Variants in EGLN3 observed in about 807,000 individuals in gnomAD.
EGLN3 encodes the protein egl-9 family hypoxia inducible factor 3.
Under a neutral mutation model 26.0 loss-of-function variants are expected in EGLN3, and 15 were observed. That is an observed-to-expected ratio of 0.58 (90% CI 0.39 to 0.89). The LOEUF is 0.89. EGLN3 is among the 40% of genes least tolerant of loss of function. The pLI is 0.00. For synonymous variants in EGLN3, 147 were observed against 127.2 expected (o/e 1.16, Z -1.05); for missense variants, 238 against 311.6 (o/e 0.76, Z 1.78).
intron 1 of EGLN3, among the ~76,000 whole-genome samples, chr14:33,944,670 G>A (rs1055438040): frequency 2.0e-5 from 3 of 152,178 alleles, no homozygotes; most frequent in Middle Eastern, 3.2e-3. Flanking sequence ...ACTAATGAGC[G>A]TAAACGTGCA....
chr14:33,928,300 G>A (rs1352859415), intron 3 of EGLN3, among the ~76,000 whole-genome samples: 1 of 152,020 alleles, frequency 6.6e-6, no homozygotes, highest in African/African-American at 2.4e-5. Flanking sequence ...GGCTTGTTAG[G>A]GTTTAATCAT....
In EGLN3 at chr14:33,925,812, A is replaced by G. The variant is rs182655912; in HGVS notation, c.*79T>C. ...GGAGATTGTTGTCACTGAAGAGGCC[A>G]TCTTTGGATCTCAAAGAATTTAAGA... On this transcript the variant is annotated 3_prime_UTR_variant, in exon 5 of 5. Coordinates refer to ENST00000250457, the MANE Select transcript of EGLN3 (RefSeq NM_022073.4). 2.6e-6 allele frequency: 4 copies of G among 1,524,174 alleles called. No homozygotes were observed. The highest frequency in any genetic ancestry group is 2.2e-5 in the East Asian group (1 of 44,454). 94.4% of individuals were successfully genotyped at this position (1,524,174 alleles called of 1,614,324 possible). A position where few individuals can be genotyped will look rare whatever the true frequency, so the allele number is the denominator to read the frequency against.
At chr14:33,934,622 T>C (rs2064427785) in intron 1 of EGLN3, among the ~76,000 whole-genome samples, 1 of 152,202 alleles carries the variant, frequency 6.6e-6, no homozygotes, top group Admixed American at 6.5e-5. Context: ...TTGGCATCAG[T>C]GACCTCCACC....
rs576032427 is a variant in EGLN3, at chr14:33,925,698, G to C, written c.*193C>G. 3.0e-5 allele frequency: 19 copies of C among 633,392 alleles called. No individual in the cohort carries two copies. The highest frequency in any genetic ancestry group is 4.9e-5 in the Non-Finnish European group (18 of 367,916). 39.2% of individuals were successfully genotyped at this position (633,392 alleles called of 1,614,324 possible). The stretch of plus-strand genomic sequence containing the variant: ...TTAGCAAGTAACTTCATCTGGCAAA[G>C]AGAGTATCTGAAGATCAACACAGTC... On this transcript the variant is annotated 3_prime_UTR_variant, in exon 5 of 5. Coordinates refer to ENST00000250457, the MANE Select transcript of EGLN3 (RefSeq NM_022073.4).
chr14:33,943,746 C>A (rs1238175860), intron 1 of EGLN3, among the ~76,000 whole-genome samples: 1 of 152,180 alleles, frequency 6.6e-6, no homozygotes, highest in African/African-American at 2.4e-5. Context: ...GGTAGAACGC[C>A]ACCCTGACCT....
In EGLN3 at chr14:33,925,144, C is replaced by T. The variant is rs542592564; in HGVS notation, c.*747G>A. On this transcript the variant is annotated 3_prime_UTR_variant, in exon 5 of 5. Coordinates refer to ENST00000250457, the MANE Select transcript of EGLN3 (RefSeq NM_022073.4). ...TTCCATTCCAACAAAGCAACCAAAA[C>T]AACTAATGTCTAGTTTTTTAGCTTC... The T allele has an allele frequency of 6.6e-6, 1 of 152,172 alleles. No homozygotes were observed. Among genetic ancestry groups the T allele is most frequent in the South Asian group, 2.1e-4 (1 of 4,824 alleles). The allele number at this position is 152,172 out of a possible 1,614,324, so 9.4% of individuals were successfully genotyped here.
In EGLN3 at chr14:33,950,190, G is replaced by A; in HGVS notation, c.357+206C>T. On this transcript the variant is annotated intron_variant, in intron 1 of 4. Transcript: ENST00000250457. Reference sequence around the variant, plus strand: ...AAGTCAACAGAAGGTCATCATCATGGTTCACCTGAGCCCCTTAACGTTGAC... The same window carrying A: ...AAGTCAACAGAAGGTCATCATCATGATTCACCTGAGCCCCTTAACGTTGAC... The A allele has an allele frequency of 6.6e-6, 4 of 608,804 alleles. No individual in the cohort carries two copies. The South Asian group carries it at 7.8e-5, about 12-fold the overall frequency. 37.7% of individuals were successfully genotyped at this position (608,804 alleles called of 1,614,324 possible). A position where few individuals can be genotyped will look rare whatever the true frequency, so the allele number is the denominator to read the frequency against.
chr14:33,941,686 T>C (rs996347), intron 1 of EGLN3, among the ~76,000 whole-genome samples: 43,694 of 151,928 alleles, frequency 0.29, 6,725 homozygotes, highest in Non-Finnish European at 0.36. Flanking sequence ...TAAAAGTATA[T>C]ACAAAGCTTA....
At chr14:33,942,281 A>G (rs1417321323) in intron 1 of EGLN3, among the ~76,000 whole-genome samples, 2 of 150,882 alleles carry the variant, frequency 1.3e-5, no homozygotes, top group East Asian at 2.0e-4. Context: ...CTAAGAAAGG[A>G]AAGAAAGTTT....
chr14:33,940,689 CGA>C (rs760266025), intron 1 of EGLN3, among the ~76,000 whole-genome samples: 2 of 151,764 alleles, frequency 1.3e-5, no homozygotes, highest in South Asian at 4.2e-4. Context: ...ATGGCAAAGT[CGA>C]GAGTTTTTGT....
At chr14:33,941,959 T>G (rs2064486403) in intron 1 of EGLN3, among the ~76,000 whole-genome samples, 1 of 152,150 alleles carries the variant, frequency 6.6e-6, no homozygotes, top group African/African-American at 2.4e-5. Context: ...GGAAATTAAG[T>G]GTAGAAAGGT....
chr14:33,941,643 C>G (rs1009492517), intron 1 of EGLN3, among the ~76,000 whole-genome samples: 1 of 151,850 alleles, frequency 6.6e-6, no homozygotes, highest in African/African-American at 2.4e-5. Flanking sequence ...AGCCAACAAG[C>G]ACCTATGAAG....
rs892606342 is a variant in EGLN3, at chr14:33,924,791, G to C, written c.*1100C>G. The C allele has an allele frequency of 6.6e-6, 1 of 151,978 alleles. No homozygotes were observed. The highest frequency in any genetic ancestry group is 2.4e-5 in the African/African-American group (1 of 41,382). 9.4% of individuals were successfully genotyped at this position (151,978 alleles called of 1,614,324 possible). Reference sequence around the variant, plus strand: ...TCTGGTCATACTGCCAACCACAGTGGATCTAGAGAGCCAAGTGAGCTGAAG... The same window carrying C: ...TCTGGTCATACTGCCAACCACAGTGCATCTAGAGAGCCAAGTGAGCTGAAG... On this transcript the variant is annotated 3_prime_UTR_variant, in exon 5 of 5. Coordinates refer to ENST00000250457, the MANE Select transcript of EGLN3 (RefSeq NM_022073.4).
At chr14:33,931,322 AT>A in intron 1 of EGLN3, 107 bp from the exon 2 acceptor site, 1 of 1,518,002 alleles carries the variant, frequency 6.6e-7, no homozygotes, top group Non-Finnish European at 8.9e-7. Context: ...GTTACGTGAC[AT>A]TTACAGGTAG....
At chr14:33,939,208 CT>C (rs71433637) in intron 1 of EGLN3, among the ~76,000 whole-genome samples, 1,411 of 131,060 alleles carry the variant, frequency 0.011, 20 homozygotes, top group African/African-American at 0.034. Context: ...AAACAATCAT[CT>C]TTTTTTTTTT....
chr14:33,947,027 C>T (rs544777118), intron 1 of EGLN3, among the ~76,000 whole-genome samples: 1 of 152,330 alleles, frequency 6.6e-6, no homozygotes, highest in Non-Finnish European at 1.5e-5. Flanking sequence ...CAGTGCCAGA[C>T]AATACAAACT....
intron 1 of EGLN3, among the ~76,000 whole-genome samples, chr14:33,944,441 C>G (rs980821210): frequency 6.6e-6 from 1 of 152,058 alleles, no homozygotes; most frequent in Non-Finnish European, 1.5e-5. Flanking sequence ...ATTAAAGTAC[C>G]TTTTATCCAT....
chr14:33,936,749 A>G lies in EGLN3; in HGVS notation c.358-5534T>C, dbSNP rs542933827. 6.8e-4 allele frequency among the ~76,000 whole-genome samples: 101 copies of G among 148,626 alleles called. 4 individuals carry two copies. The South Asian group carries it at 0.023, about 33-fold the overall frequency. ...GGTATTCAAACTGCTATATGCAGGC[A>G]TACTGGAGGAAAGGCTGGAGAAAAA... On this transcript the variant is annotated intron_variant, in intron 1 of 4. Transcript: ENST00000250457.
intron 2 of EGLN3, among the ~76,000 whole-genome samples, chr14:33,929,787 C>T (rs1040482558): frequency 2.0e-5 from 3 of 152,108 alleles, no homozygotes; most frequent in Non-Finnish European, 4.4e-5. Context: ...TGAATCATAC[C>T]GATTTGCCAA....
Sources: gnomAD v4.1 joint callset for allele counts (sites outside exome capture counted in the v4.1 genomes callset) on GRCh38, gnomAD v4.1.1 for gene constraint, MANE v1.5 for transcripts, NCBI Gene and HGNC (gene_info 2026-07-23, HGNC 2026-07-21) for gene names.